Variants in PPARG observed in about 807,000 individuals in gnomAD.
PPARG encodes the protein peroxisome proliferator-activated receptor gamma.
A neutral mutation model predicts 39.2 loss-of-function variants in PPARG; 17 were observed. The observed-to-expected ratio is 0.43, with a 90% CI of 0.30 to 0.65. The LOEUF (loss-of-function observed/expected upper bound fraction) is 0.65. Ranked by LOEUF, PPARG falls within the 30% of genes least tolerant of loss-of-function variation. The pLI, the probability that PPARG is intolerant of heterozygous loss-of-function variation, is 0.13. For missense variants in PPARG, 406 were observed against 585.9 expected (o/e 0.69, Z 3.17); for synonymous variants, 223 against 215.7 (o/e 1.03, Z -0.30).
chr3:12,407,089 T>G (rs995959814), intron 6 of PPARG, among the ~76,000 whole-genome samples: 4 of 152,212 alleles, frequency 2.6e-5, no homozygotes, highest in African/African-American at 9.6e-5. Context: ...AAATTGTACC[T>G]GAATTCTAGT....
intron 7 of PPARG, among the ~76,000 whole-genome samples, chr3:12,431,690 A>T (rs565267803): frequency 6.6e-6 from 1 of 152,346 alleles, no homozygotes; most frequent in Admixed American, 6.5e-5. Flanking sequence ...CTATATTCCC[A>T]GCACTTTGGG....
rs559477419 is a variant in PPARG at position 12,297,214 on chromosome 3, T to C, written c.-83+8080T>C. On this transcript the variant is annotated intron_variant, in intron 1 of 7. Coordinates refer to ENST00000651735, the MANE Select transcript of PPARG (RefSeq NM_138711.6). ...CAATAGTTAAAATATTGTACAGTTATAATGACAATTTAGAAACTACTCACA... is the reference window on the plus strand; with the variant it reads ...CAATAGTTAAAATATTGTACAGTTACAATGACAATTTAGAAACTACTCACA... Among the ~76,000 whole-genome samples the C allele has an allele frequency of 5.9e-5, 9 of 152,304 alleles. No individual in the cohort carries two copies. In the East Asian group the frequency reaches 1.7e-3, roughly 29 times the overall value.
chr3:12,433,823 C>T (rs2051754923), intron 7 of PPARG, 75 bp from the exon 8 acceptor site: 27 of 1,605,856 alleles, frequency 1.7e-5, no homozygotes, highest in Non-Finnish European at 2.2e-5. Flanking sequence ...GTAGAGCTGC[C>T]TAGGCCTCCA....
At chr3:12,310,596 T>A (rs1333834159) in intron 1 of PPARG, among the ~76,000 whole-genome samples, 2 of 119,558 alleles carry the variant, frequency 1.7e-5, no homozygotes, top group Non-Finnish European at 3.6e-5. Flanking sequence ...CCCAAGTAGC[T>A]GGGACTACAG....
chr3:12,423,200 T>G (rs763119636), intron 7 of PPARG, among the ~76,000 whole-genome samples: 1 of 152,246 alleles, frequency 6.6e-6, no homozygotes, highest in Non-Finnish European at 1.5e-5. Flanking sequence ...CATCTTATAC[T>G]AGGTTCTAAT....
At chr3:12,427,009 G>A (rs1223020208) in intron 7 of PPARG, among the ~76,000 whole-genome samples, 1 of 152,126 alleles carries the variant, frequency 6.6e-6, no homozygotes, top group Non-Finnish European at 1.5e-5. Flanking sequence ...TCTAGGGATG[G>A]GTCCCAGGCA....
intron 2 of PPARG, among the ~76,000 whole-genome samples, chr3:12,315,701 A>G (rs1162216165): frequency 3.3e-5 from 5 of 152,148 alleles, no homozygotes; most frequent in Admixed American, 3.3e-4. Flanking sequence ...TACCTCTACA[A>G]GTCTGGTCTC....
intron 5 of PPARG, among the ~76,000 whole-genome samples, chr3:12,403,045 C>G (rs923617803): frequency 4.6e-5 from 7 of 152,196 alleles, no homozygotes; most frequent in Admixed American, 2.6e-4. Flanking sequence ...GTAATCCCAT[C>G]TCTTTGGGAG....
At chr3:12,416,369 C>T (rs1044176841) in intron 6 of PPARG, among the ~76,000 whole-genome samples, 3 of 152,074 alleles carry the variant, frequency 2.0e-5, no homozygotes, top group Non-Finnish European at 2.9e-5. Context: ...CAGAGTGAGA[C>T]TCTGTCTCAA....
intron 2 of PPARG, among the ~76,000 whole-genome samples, chr3:12,360,609 C>T (rs1176629693): frequency 6.7e-6 from 1 of 150,332 alleles, no homozygotes; most frequent in Non-Finnish European, 1.5e-5. Context: ...ACCAGCACTC[C>T]AGAAGCCCTC....
At chr3:12,315,855 T>G (rs1213955105) in intron 2 of PPARG, among the ~76,000 whole-genome samples, 1 of 152,140 alleles carries the variant, frequency 6.6e-6, no homozygotes, top group African/African-American at 2.4e-5. Context: ...CTAATTTGAA[T>G]GTTCACACCA....
At chr3:12,413,663 TA>T (rs1218379185) in intron 6 of PPARG, among the ~76,000 whole-genome samples, 3 of 150,748 alleles carry the variant, frequency 2.0e-5, no homozygotes, top group Admixed American at 6.6e-5. Context: ...TAAAAAAATT[TA>T]AAAAAAATTG....
intron 4 of PPARG, among the ~76,000 whole-genome samples, chr3:12,382,280 AG>A (rs2049701539): frequency 6.6e-6 from 1 of 152,170 alleles, no homozygotes; most frequent in African/African-American, 2.4e-5. Flanking sequence ...CTTTGTGAAA[AG>A]GGTATTTTGG....
chr3:12,412,500 A>T (rs1408283348), intron 6 of PPARG, among the ~76,000 whole-genome samples: 1 of 152,236 alleles, frequency 6.6e-6, no homozygotes, highest in Non-Finnish European at 1.5e-5. Flanking sequence ...GAAATATATC[A>T]AAATTAATTA....
upstream of PPARG, among the ~76,000 whole-genome samples, chr3:12,288,523 T>G (rs2046566701): frequency 6.6e-6 from 1 of 151,908 alleles, no homozygotes; most frequent in South Asian, 2.1e-4. Flanking sequence ...GGGGGAACTT[T>G]GGAGCAGGGT....
At chr3:12,338,966 C>G (rs776552060) in intron 2 of PPARG, among the ~76,000 whole-genome samples, 71 of 152,126 alleles carry the variant, frequency 4.7e-4, no homozygotes, top group Non-Finnish European at 9.7e-4. Flanking sequence ...CATTTTATGT[C>G]ATTAAAATTA....
intron 1 of PPARG, among the ~76,000 whole-genome samples, chr3:12,293,586 G>A (rs2046703505): frequency 6.6e-6 from 1 of 152,172 alleles, no homozygotes; most frequent in Non-Finnish European, 1.5e-5. Flanking sequence ...CCCACAGTCA[G>A]CAGGTTGCAT....
chr3:12,345,054 C>T (rs772318803), intron 2 of PPARG, among the ~76,000 whole-genome samples: 28 of 151,812 alleles, frequency 1.8e-4, no homozygotes, highest in Admixed American at 5.9e-4. Context: ...GAGTTTCAAA[C>T]GAAATAAAAA....
chr3:12,323,990 A>G (rs1297822972), intron 2 of PPARG, among the ~76,000 whole-genome samples: 1 of 152,156 alleles, frequency 6.6e-6, no homozygotes, highest in Non-Finnish European at 1.5e-5. Context: ...AGGTGGGAAT[A>G]GTGTTGGAGA....
Sources: gnomAD v4.1 joint callset for allele counts (sites outside exome capture counted in the v4.1 genomes callset) on GRCh38, gnomAD v4.1.1 for gene constraint, MANE v1.5 for transcripts, NCBI Gene and HGNC (gene_info 2026-07-23, HGNC 2026-07-21) for gene names.